Variants in PRSS23 observed in about 807,000 individuals in gnomAD.
PRSS23 encodes the protein protease, serine 23.
PRSS23 carries 25 observed loss-of-function variants against 34.7 expected under a neutral mutation model. That is an observed-to-expected ratio of 0.72 (90% confidence interval 0.53 to 1.01). The LOEUF is 1.01. PRSS23 is among the 50% of genes least tolerant of loss of function. The probability of loss-of-function intolerance (pLI) is 0.00; values close to 1 mark genes in which losing one functional copy is unlikely to be tolerated. For synonymous variants in PRSS23, 176 were observed against 186.6 expected (o/e 0.94, Z 0.46); for missense variants, 445 against 475.6 (o/e 0.94, Z 0.60).
intron 2 of PRSS23, among the ~76,000 whole-genome samples, chr11:86,897,237 A>G (rs564924031): frequency 6.6e-6 from 1 of 152,330 alleles, no homozygotes; most frequent in Non-Finnish European, 1.5e-5. Context: ...TAAAGAGTTA[A>G]AAGAACTGTT....
intron 2 of PRSS23, among the ~76,000 whole-genome samples, chr11:86,845,090 GAAA>G (rs199809989): frequency 1.7e-5 from 2 of 118,876 alleles, no homozygotes; most frequent in Non-Finnish European, 1.8e-5. Context: ...CTCTGTCTCA[GAAA>G]AAAAAAAAAA....
intron 2 of PRSS23, among the ~76,000 whole-genome samples, chr11:86,862,282 C>T (rs11234837): frequency 1.3e-5 from 2 of 151,880 alleles, no homozygotes; most frequent in East Asian, 3.9e-4. Flanking sequence ...GTATGTTACT[C>T]CTCATGTGAC....
intron 1 of PRSS23, among the ~76,000 whole-genome samples, chr11:86,794,133 C>T (rs563357354): frequency 1.3e-5 from 2 of 151,978 alleles, no homozygotes; most frequent in South Asian, 2.1e-4. Context: ...AAAGAGAATC[C>T]AACATTTATG....
At chr11:86,802,402 G>A (rs1017896335) in intron 1 of PRSS23, among the ~76,000 whole-genome samples, 1 of 152,156 alleles carries the variant, frequency 6.6e-6, no homozygotes, top group South Asian at 2.1e-4. Flanking sequence ...ATGTGATTAG[G>A]TCTGTTTTGC....
intron 2 of PRSS23, among the ~76,000 whole-genome samples, chr11:86,890,208 C>T (rs61904374): frequency 1.8e-4 from 27 of 152,020 alleles, no homozygotes; most frequent in African/African-American, 4.1e-4. Flanking sequence ...AGGCGGACAT[C>T]GCAGTGAGCT....
chr11:86,877,372 G>A (rs553556029), intron 2 of PRSS23, among the ~76,000 whole-genome samples: 6 of 152,168 alleles, frequency 3.9e-5, no homozygotes, highest in Non-Finnish European at 4.4e-5. Flanking sequence ...CACGGTTCCC[G>A]TTCTTCTGAT....
At chr11:86,904,382 T>A (rs150958809) in intron 2 of PRSS23, among the ~76,000 whole-genome samples, 63 of 152,214 alleles carry the variant, frequency 4.1e-4, no homozygotes, top group African/African-American at 1.3e-3. Context: ...TGTATCCTAG[T>A]AATCATGAAC....
intron 2 of PRSS23, among the ~76,000 whole-genome samples, chr11:86,927,633 C>T (rs376123024): frequency 8.5e-5 from 13 of 152,136 alleles, no homozygotes; most frequent in African/African-American, 3.1e-4. Flanking sequence ...AGGCATAAGC[C>T]ACTGTGCCCG....
intron 2 of PRSS23, among the ~76,000 whole-genome samples, chr11:86,832,269 A>G (rs573614024): frequency 3.0e-4 from 46 of 152,240 alleles, no homozygotes; most frequent in African/African-American, 1.1e-3. Flanking sequence ...ATCCAGGGTA[A>G]ATATGACTTC....
chr11:86,922,310 C>A (rs555400688), intron 2 of PRSS23, among the ~76,000 whole-genome samples: 10 of 151,996 alleles, frequency 6.6e-5, no homozygotes, highest in Non-Finnish European at 1.3e-4. Flanking sequence ...ATTACTTAAC[C>A]ACTCTCAACT....
chr11:86,793,030 A>T (rs1252818674), intron 1 of PRSS23, among the ~76,000 whole-genome samples: 1 of 151,996 alleles, frequency 6.6e-6, no homozygotes, highest in Non-Finnish European at 1.5e-5. Context: ...TAATTTTTGT[A>T]TTTTTTTGTA....
At chr11:86,826,975 C>G (rs1413287497) in intron 2 of PRSS23, among the ~76,000 whole-genome samples, 1 of 152,042 alleles carries the variant, frequency 6.6e-6, no homozygotes, top group Non-Finnish European at 1.5e-5. Flanking sequence ...GTGTCTCTGC[C>G]CAGCTTTGGT....
At chr11:86,806,640 C>T (rs1433276335) in intron 1 of PRSS23, among the ~76,000 whole-genome samples, 1 of 152,210 alleles carries the variant, frequency 6.6e-6, no homozygotes, top group African/African-American at 2.4e-5. Context: ...TGTTCTTACT[C>T]CCACAATTGG....
intron 2 of PRSS23, among the ~76,000 whole-genome samples, chr11:86,845,021 G>A (rs981419634): frequency 1.3e-5 from 2 of 151,878 alleles, no homozygotes; most frequent in African/African-American, 2.4e-5. Flanking sequence ...TTGAGAGGTG[G>A]AAGTTGCTGT....
intron 2 of PRSS23, among the ~76,000 whole-genome samples, chr11:86,877,773 CTTTG>C (rs944822359): frequency 2.4e-4 from 36 of 148,882 alleles, no homozygotes; most frequent in Non-Finnish European, 7.4e-5. Flanking sequence ...AACTCTCCAA[CTTTG>C]TTTGTTTTCA....
intron 1 of PRSS23, among the ~76,000 whole-genome samples, chr11:86,791,962 T>C (rs1947954707): frequency 6.6e-6 from 1 of 152,254 alleles, no homozygotes; most frequent in South Asian, 2.1e-4. Flanking sequence ...CTGTGCGATA[T>C]GTTAATATTT....
At chr11:86,892,843 CCTCTT>C (rs1948850499) in intron 2 of PRSS23, among the ~76,000 whole-genome samples, 1 of 152,172 alleles carries the variant, frequency 6.6e-6, no homozygotes, top group South Asian at 2.1e-4. Flanking sequence ...AGTTTTGAGA[CCTCTT>C]CTCATAATAA....
chr11:86,940,197 G>T (rs1451395142), intron 2 of PRSS23, among the ~76,000 whole-genome samples: 1 of 152,162 alleles, frequency 6.6e-6, no homozygotes, highest in African/African-American at 2.4e-5. Context: ...CTGCAAGGGG[G>T]AGTCTGAATG....
intron 2 of PRSS23, among the ~76,000 whole-genome samples, chr11:86,877,125 A>C (rs1411703439): frequency 2.6e-5 from 4 of 152,234 alleles, no homozygotes; most frequent in African/African-American, 9.6e-5. Context: ...TAGCCCTCAC[A>C]GTGCCTCATT....
Sources: gnomAD v4.1 joint callset for allele counts (sites outside exome capture counted in the v4.1 genomes callset) on GRCh38, gnomAD v4.1.1 for gene constraint, MANE v1.5 for transcripts, NCBI Gene and HGNC (gene_info 2026-07-23, HGNC 2026-07-21) for gene names.